PHACTR2: variants seen among roughly 807,000 people sequenced by gnomAD.
PHACTR2 encodes the protein chromosome 6 open reading frame 56.
PHACTR2 carries 30 observed loss-of-function variants against 76.0 expected under a neutral mutation model. The ratio of observed to expected loss-of-function variants is 0.39; its 90% CI spans 0.30 to 0.54. The LOEUF (loss-of-function observed/expected upper bound fraction) is 0.54. Ranked by LOEUF, PHACTR2 falls within the 20% of genes least tolerant of loss-of-function variation. The pLI is 0.61. For missense variants in PHACTR2, 696 were observed against 781.1 expected (o/e 0.89, Z 1.30); for synonymous variants, 292 against 292.5 (o/e 1.00, Z 0.02).
rs1046805592 is a variant in PHACTR2 at position 143,821,959 on chromosome 6, C to T, written c.1923-1715C>T. On this transcript the variant is annotated intron_variant, in intron 12 of 12. Coordinates refer to ENST00000440869, the MANE Select transcript of PHACTR2 (RefSeq NM_001100164.2). This position sits in a 1 kb window ranked among gnomAD's most constrained non-coding sequence, Gnocchi z 5.2. The stretch of plus-strand genomic sequence containing the variant: ...GAGCTGAGATCGCACCACTGCACTC[C>T]AGCCTGGGCAATAGGAGTGAAACCC... 6.6e-6 allele frequency among the ~76,000 whole-genome samples: 1 copy of T among 152,190 alleles called. No individual in the cohort carries two copies. Among genetic ancestry groups the T allele is most frequent in the Non-Finnish European group, 1.5e-5 (1 of 68,040 alleles).
Position 143,608,340 on chromosome 6 carries a change from G to A in PHACTR2, c.13+18G>A. Reference sequence around the variant, plus strand: ...CAACGCCGGTGGGTAAATCAAGCATGAATTCTTCATAGCTGCTGGCTTCCT... The same window carrying A: ...CAACGCCGGTGGGTAAATCAAGCATAAATTCTTCATAGCTGCTGGCTTCCT... On this transcript the variant is annotated intron_variant, in intron 1 of 11. Coordinates refer to the PHACTR2 transcript ENST00000305766. This position sits in a 1 kb window ranked among gnomAD's most constrained non-coding sequence, Gnocchi z 4.6. The A allele has an allele frequency of 3.7e-6, 6 of 1,613,778 alleles. No homozygotes were observed. Among genetic ancestry groups the A allele is most frequent in the Non-Finnish European group, 5.1e-6 (6 of 1,179,688 alleles).
In PHACTR2 at chr6:143,595,409, T is replaced by C. The variant is rs1422350207; in HGVS notation, c.217+58202T>C. Among the ~76,000 whole-genome samples, 2 of 152,234 alleles carry C rather than the reference T, an allele frequency of 1.3e-5. No homozygotes were observed. Among genetic ancestry groups the C allele is most frequent in the African/African-American group, 4.8e-5 (2 of 41,468 alleles). On this transcript the variant is annotated intron_variant, in intron 1 of 11. Transcript: ENST00000367584. The surrounding 1 kb of genome is among the most constrained non-coding windows in gnomAD (Gnocchi z 4.2). ...GCTCCGGGGGAGTTTTTCAATCCTG[T>C]TGAAGCACAGCAGGCAAGGCCTGGG... is the stretch of plus-strand genomic sequence containing the variant.
rs1775221148 is a variant in PHACTR2 at position 143,558,902 on chromosome 6, C to A, written c.217+21695C>A. ...CCCTGATGATTGACCAGCTGAAATG[C>A]ATGTGTATGGCTTAGGCCTCTCCCA... On this transcript the variant is annotated intron_variant, in intron 1 of 11. Transcript: ENST00000367584. This position sits in a 1 kb window ranked among gnomAD's most constrained non-coding sequence, Gnocchi z 4.7. 6.6e-6 allele frequency among the ~76,000 whole-genome samples: 1 copy of A among 152,188 alleles called. No individual in the cohort carries two copies. The highest frequency in any genetic ancestry group is 1.5e-5 in the Non-Finnish European group (1 of 68,042).
chr6:143,726,154 T>A (rs1778565513), intron 2 of PHACTR2, among the ~76,000 whole-genome samples: 1 of 152,250 alleles, frequency 6.6e-6, no homozygotes, highest in Non-Finnish European at 1.5e-5. Flanking sequence ...GTTAAATGTG[T>A]GTTTAACTTT....
intron 1 of PHACTR2, among the ~76,000 whole-genome samples, chr6:143,706,911 C>T (rs1778066590): frequency 6.6e-6 from 1 of 152,202 alleles, no homozygotes; most frequent in Non-Finnish European, 1.5e-5. Flanking sequence ...TGGGTAGCTT[C>T]TGTGCCCAGA....
rs1436540632 is a variant in PHACTR2, at chr6:143,672,856, CTG to C, written c.14-39159_14-39158del. 6.6e-6 allele frequency among the ~76,000 whole-genome samples: 1 copy of C among 152,128 alleles called. No homozygotes were observed. Among genetic ancestry groups the C allele is most frequent in the Non-Finnish European group, 1.5e-5 (1 of 68,022 alleles). ...TCTCCGGCCTCAGCCTCCCAAGTAG[CTG>C]AGATTACAGGAGTGCACCACCACGC... On this transcript the variant is annotated intron_variant, in intron 1 of 11. Transcript: ENST00000305766. This position sits in a 1 kb window ranked among gnomAD's most constrained non-coding sequence, Gnocchi z 5.8.
chr6:143,691,656 G>A (rs1334513369), intron 1 of PHACTR2, among the ~76,000 whole-genome samples: 1 of 152,160 alleles, frequency 6.6e-6, no homozygotes, highest in Non-Finnish European at 1.5e-5. Context: ...ATTTCAACTC[G>A]TTGCCTTTTC....
intron 4 of PHACTR2, among the ~76,000 whole-genome samples, chr6:143,756,537 T>C (rs1190133225): frequency 2.7e-5 from 4 of 148,092 alleles, no homozygotes; most frequent in Non-Finnish European, 6.0e-5. Context: ...CTACTAAAAA[T>C]ACAAAAAAAA....
chr6:143,597,006 C>T lies in PHACTR2; in HGVS notation c.217+59799C>T, dbSNP rs1775762265. Among the ~76,000 whole-genome samples, 1 of 152,202 alleles carries T rather than the reference C, an allele frequency of 6.6e-6. No homozygotes were observed. On this transcript the variant is annotated intron_variant, in intron 1 of 11. Coordinates refer to the PHACTR2 transcript ENST00000367584. This position sits in a 1 kb window ranked among gnomAD's most constrained non-coding sequence, Gnocchi z 5.7. ...GCCCTATTGCTGCCAGCACAGCCCT[C>T]CTGCCTCCTTCCCTCCTGCGTTTCT...
chr6:143,790,943 C>T (rs756174614), intron 11 of PHACTR2, among the ~76,000 whole-genome samples: 2 of 152,198 alleles, frequency 1.3e-5, no homozygotes, highest in Non-Finnish European at 2.9e-5. Context: ...TCCCAAAGTG[C>T]TGGGATTACA....
chr6:143,631,366 A>C (rs1776360198), intron 1 of PHACTR2, among the ~76,000 whole-genome samples: 1 of 151,976 alleles, frequency 6.6e-6, no homozygotes, highest in Non-Finnish European at 1.5e-5. Context: ...AATTTAAAAA[A>C]AATTTTTTTT....
chr6:143,673,206 G>A (rs1323099426), upstream of PHACTR2, among the ~76,000 whole-genome samples: 2 of 152,146 alleles, frequency 1.3e-5, no homozygotes, highest in African/African-American at 4.8e-5. Context: ...CTAGGTGAAT[G>A]AGTAGATGAT....
rs191149707 is a variant in PHACTR2, at chr6:143,582,136, G to A, written c.217+44929G>A. The stretch of plus-strand genomic sequence containing the variant: ...ATACCACCTGTTTAGGTCTGTAAAT[G>A]CCAAGCCAAACTAATAATTGAAAGT... On this transcript the variant is annotated intron_variant, in intron 1 of 11. Transcript: ENST00000367584. Among the ~76,000 whole-genome samples, 3 of 152,282 alleles carry A rather than the reference G, an allele frequency of 2.0e-5. No individual in the cohort carries two copies. The East Asian group carries it at 5.8e-4, about 29-fold the overall frequency.
chr6:143,670,980 G>A (rs9484788), intron 1 of PHACTR2, among the ~76,000 whole-genome samples: 10,028 of 151,286 alleles, frequency 0.066, 1,077 homozygotes, highest in African/African-American at 0.23. Context: ...CTGGAGTACA[G>A]TGGCACGATC....
At chr6:143,600,892 G>A (rs1358350876) in intron 1 of PHACTR2, among the ~76,000 whole-genome samples, 1 of 152,160 alleles carries the variant, frequency 6.6e-6, no homozygotes, top group Non-Finnish European at 1.5e-5. Context: ...AAAGAAGTTG[G>A]GCCTATACAT....
At chr6:143,668,400 GGGA>G (rs1424020199) in intron 1 of PHACTR2, among the ~76,000 whole-genome samples, 1 of 152,160 alleles carries the variant, frequency 6.6e-6, no homozygotes, top group Non-Finnish European at 1.5e-5. Context: ...AAATGAGTTA[GGGA>G]GGAGTCCCTC....
Position 143,775,553 on chromosome 6 carries a change from T to C in PHACTR2, c.1589+1338T>C, listed in dbSNP as rs1001725520. Among the ~76,000 whole-genome samples, 2 of 152,166 alleles carry C rather than the reference T, an allele frequency of 1.3e-5. No homozygotes were observed. Among genetic ancestry groups the C allele is most frequent in the Non-Finnish European group, 2.9e-5 (2 of 68,024 alleles). On this transcript the variant is annotated intron_variant, in intron 8 of 12. Coordinates refer to ENST00000440869, the MANE Select transcript of PHACTR2 (RefSeq NM_001100164.2). This position sits in a 1 kb window ranked among gnomAD's most constrained non-coding sequence, Gnocchi z 4.4. ...CAAGGACAGACATGCAGTTACTGAG[T>C]AGCAGAACCAGAATTAGAATTTCGC...
intron 1 of PHACTR2, among the ~76,000 whole-genome samples, chr6:143,575,185 T>A (rs1009189110): frequency 6.6e-6 from 1 of 152,266 alleles, no homozygotes; most frequent in African/African-American, 2.4e-5. Context: ...TACGAATTAA[T>A]TTCTCCATAT....
rs1776195569 is a variant in PHACTR2, at chr6:143,623,392, T to C, written c.13+15070T>C. 6.6e-6 allele frequency among the ~76,000 whole-genome samples: 1 copy of C among 152,124 alleles called. No homozygotes were observed. Among genetic ancestry groups the C allele is most frequent in the African/African-American group, 2.4e-5 (1 of 41,424 alleles). On this transcript the variant is annotated intron_variant, in intron 1 of 11. Coordinates refer to the PHACTR2 transcript ENST00000305766. This position sits in a 1 kb window ranked among gnomAD's most constrained non-coding sequence, Gnocchi z 5.9. ...GAGTTCAAGACCAGCCTGGCCAACATGGTGAAACCCTGTCTCTACTAAATA... is the reference window on the plus strand; with the variant it reads ...GAGTTCAAGACCAGCCTGGCCAACACGGTGAAACCCTGTCTCTACTAAATA...
Sources: gnomAD v4.1 joint callset for allele counts (sites outside exome capture counted in the v4.1 genomes callset) on GRCh38, gnomAD v4.1.1 for gene constraint, Gnocchi (gnomAD v3.1) non-coding constraint, MANE v1.5 for transcripts, NCBI Gene and HGNC (gene_info 2026-07-23, HGNC 2026-07-21) for gene names.